WWC2: variants seen among roughly 807,000 people sequenced by gnomAD.
WWC2 encodes the protein WW and C2 domain containing 2.
Under a neutral mutation model 138.5 loss-of-function variants are expected in WWC2, and 101 were observed. That is an observed-to-expected ratio of 0.73 (90% CI 0.62 to 0.86). The LOEUF (loss-of-function observed/expected upper bound fraction) is 0.86, where lower values mean the gene tolerates loss of function less well. Ranked by LOEUF, WWC2 falls within the 40% of genes least tolerant of loss-of-function variation. The pLI is 0.00. For synonymous variants in WWC2, 558 were observed against 538.4 expected (o/e 1.04, Z -0.50); for missense variants, 1,420 against 1,419.4 (o/e 1.00, Z -0.01).
chr4:183,236,203 G>T (rs1580090153), intron 4 of WWC2, among the ~76,000 whole-genome samples: 1 of 152,152 alleles, frequency 6.6e-6, no homozygotes, highest in Non-Finnish European at 1.5e-5. Context: ...ATGTCAATGT[G>T]TCTGTCTTTA....
intron 4 of WWC2, among the ~76,000 whole-genome samples, chr4:183,237,945 A>G (rs1282098382): frequency 6.6e-6 from 1 of 152,078 alleles, no homozygotes; most frequent in Non-Finnish European, 1.5e-5. Context: ...TGAATAATGA[A>G]TATGCCCAAC....
chr4:183,297,219 C>A (rs2111092423), intron 21 of WWC2, among the ~76,000 whole-genome samples: 1 of 152,194 alleles, frequency 6.6e-6, no homozygotes, highest in East Asian at 1.9e-4. Flanking sequence ...GCAAGCCTCC[C>A]TCCTCGGCCT....
In WWC2 at chr4:183,193,610, C is replaced by A; in HGVS notation, c.143C>A (p.Pro48His). 6.2e-7 allele frequency: 1 copy of A among 1,613,640 alleles called. No homozygotes were observed. Among genetic ancestry groups the A allele is most frequent in the Non-Finnish European group, 8.5e-7 (1 of 1,179,818 alleles). ...CTGGTTTGTTGTAGGTTAACGAAGC[C>A]CTTGTCATTTGCTGATTGTGTTGGG... ...WIDPRDRLTKPLSFADCVGDE... is the reference protein window; with the variant it reads ...WIDPRDRLTKHLSFADCVGDE... The change falls in exon 2 of 23, where the codon CCC becomes CAC. Residue 48 changes from proline to histidine, a missense_variant. Transcript: ENST00000403733.
At chr4:183,292,728 T>C (rs539352839) in intron 21 of WWC2, among the ~76,000 whole-genome samples, 1 of 152,242 alleles carries the variant, frequency 6.6e-6, no homozygotes, top group East Asian at 1.9e-4. Flanking sequence ...TTATACAAAC[T>C]CTTCCGGACA....
intron 4 of WWC2, among the ~76,000 whole-genome samples, chr4:183,217,572 G>A (rs1172914952): frequency 6.6e-6 from 1 of 150,894 alleles, no homozygotes; most frequent in Non-Finnish European, 1.5e-5. Flanking sequence ...GTGAAAATGG[G>A]GAGAAAAAAT....
At position 183,140,749 on chromosome 4, in the gene WWC2, C is replaced by T. The variant is rs143090398; in HGVS notation, c.131+41127C>T. On this transcript the variant is annotated intron_variant, in intron 1 of 22. Transcript: ENST00000403733. ...GCATGGAAAAGGAAAAATTCATTTA[C>T]CTTCTTGACTTGTGCCCACTCTACT... Among the ~76,000 whole-genome samples the T allele has an allele frequency of 3.4e-3, 525 of 152,218 alleles. 3 individuals are homozygous for T. Among genetic ancestry groups the T allele is most frequent in the African/African-American group, 0.012 (501 of 41,528 alleles).
At chr4:183,161,644 C>A (rs1311177054) in intron 1 of WWC2, among the ~76,000 whole-genome samples, 3 of 152,124 alleles carry the variant, frequency 2.0e-5, no homozygotes, top group South Asian at 2.1e-4. Flanking sequence ...TTTTTACATA[C>A]CTTTTCTATG....
intron 4 of WWC2, among the ~76,000 whole-genome samples, chr4:183,234,130 A>G (rs114740920): frequency 4.9e-4 from 74 of 152,310 alleles, no homozygotes; most frequent in Non-Finnish European, 7.5e-4. Context: ...AATAAAACCT[A>G]TGACACTAGG....
intron 21 of WWC2, among the ~76,000 whole-genome samples, chr4:183,293,068 G>T (rs1738513769): frequency 6.6e-6 from 1 of 152,170 alleles, no homozygotes; most frequent in South Asian, 2.1e-4. Context: ...AGATTCTCCT[G>T]CCTCAGCTGG....
At chr4:183,306,090 C>G (rs958586203) in intron 21 of WWC2, among the ~76,000 whole-genome samples, 1 of 151,936 alleles carries the variant, frequency 6.6e-6, no homozygotes, top group Non-Finnish European at 1.5e-5. Context: ...AATACAAACT[C>G]CAGAGCAACC....
rs1048147206 is a variant in WWC2, at chr4:183,316,500, A to T, written c.*771A>T. On this transcript the variant is annotated 3_prime_UTR_variant, in exon 23 of 23. Coordinates refer to ENST00000403733, the MANE Select transcript of WWC2 (RefSeq NM_024949.6). ...ATACAAATAAGCTCATCAAATGAGC[A>T]GCTGGTTTGTCTCACTCAGCCTGAA... 6.6e-6 allele frequency: 1 copy of T among 152,260 alleles called. No individual in the cohort carries two copies. The highest frequency in any genetic ancestry group is 2.4e-5 in the African/African-American group (1 of 41,464). The allele number at this position is 152,260 out of a possible 1,614,324, so 9.4% of individuals were successfully genotyped here.
At chr4:183,225,799 A>G (rs1000977925) in intron 4 of WWC2, among the ~76,000 whole-genome samples, 1 of 152,212 alleles carries the variant, frequency 6.6e-6, no homozygotes, top group Admixed American at 6.5e-5. Flanking sequence ...AACAAAACAA[A>G]CAAAAGTAAC....
intron 1 of WWC2, among the ~76,000 whole-genome samples, chr4:183,126,288 T>A (rs1561426218): frequency 6.6e-6 from 1 of 152,348 alleles, no homozygotes; most frequent in East Asian, 1.9e-4. Context: ...AATGTCAGTG[T>A]TTCTCTTCCT....
intron 4 of WWC2, 121 bp from the exon 5 acceptor site, chr4:183,240,061 AT>A (rs1386883466): frequency 1.5e-6 from 1 of 652,852 alleles, no homozygotes; most frequent in Non-Finnish European, 2.5e-6. Flanking sequence ...GATAAAGTAA[AT>A]GTTACTTTAA....
chr4:183,201,535 C>G (rs537995455), intron 2 of WWC2, among the ~76,000 whole-genome samples: 9 of 152,270 alleles, frequency 5.9e-5, no homozygotes, highest in African/African-American at 1.9e-4. Context: ...AGAGTCATCC[C>G]TTATCCCTAG....
At chr4:183,267,323 G>T (rs566812728) in intron 14 of WWC2, among the ~76,000 whole-genome samples, 1 of 152,276 alleles carries the variant, frequency 6.6e-6, no homozygotes, top group Admixed American at 6.5e-5. Context: ...CTAGATCAAC[G>T]CAGAGAGCCT....
rs185198772 is a variant in WWC2, at chr4:183,106,762, A to G, written c.131+7140A>G. ...TTTGTAGCATTTATTGTACTACTGC[A>G]TCATTTTCATGACTTAATAATATTC... is the stretch of plus-strand genomic sequence containing the variant. On this transcript the variant is annotated intron_variant, in intron 1 of 22. Coordinates refer to ENST00000403733, the MANE Select transcript of WWC2 (RefSeq NM_024949.6). Among the ~76,000 whole-genome samples the G allele has an allele frequency of 4.6e-5, 7 of 152,276 alleles. No individual in the cohort carries two copies. In the East Asian group the frequency reaches 1.3e-3, roughly 29 times the overall value.
intron 1 of WWC2, among the ~76,000 whole-genome samples, chr4:183,155,345 A>G (rs1047434200): frequency 6.6e-6 from 1 of 152,062 alleles, no homozygotes; most frequent in Non-Finnish European, 1.5e-5. Context: ...GGCAGAAGGG[A>G]GATGAGAGAA....
chr4:183,319,951 G>T lies in WWC2; in HGVS notation c.*4222G>T, dbSNP rs577134099. On this transcript the variant is annotated 3_prime_UTR_variant, in exon 23 of 23. Transcript: ENST00000403733. Reference sequence around the variant, plus strand: ...GAGACCAGCAGGCCCAGAAATCCCAGCCCATTTGACAGAAACATTAAGATC... The same window carrying T: ...GAGACCAGCAGGCCCAGAAATCCCATCCCATTTGACAGAAACATTAAGATC... The T allele has an allele frequency of 1.1e-5, 17 of 1,613,368 alleles. No homozygotes were observed. The highest frequency in any genetic ancestry group is 6.7e-5 in the Admixed American group (4 of 59,920).
Sources: allele counts gnomAD v4.1 joint callset (sites outside exome capture counted in the v4.1 genomes callset), GRCh38; gene constraint gnomAD v4.1.1; transcripts MANE v1.5; gene names NCBI Gene and HGNC (gene_info 2026-07-23, HGNC 2026-07-21).